Variants in MIGA1 observed in about 807,000 individuals in gnomAD.
The protein encoded by MIGA1 is family with sequence similarity 73, member A.
Under a neutral mutation model 82.0 loss-of-function variants are expected in MIGA1, and 58 were observed. The observed-to-expected ratio is 0.71, with a 90% confidence interval of 0.57 to 0.88. MIGA1 has a LOEUF of 0.88. MIGA1 is among the 40% of genes least tolerant of loss of function. The probability of loss-of-function intolerance (pLI) is 0.00; values close to 1 mark genes in which losing one functional copy is unlikely to be tolerated. For missense variants in MIGA1, 751 were observed against 749.1 expected, an observed-to-expected ratio of 1.00 and a Z score of -0.03; for synonymous variants, 249 against 253.6, an observed-to-expected ratio of 0.98 and a Z score of 0.17.
intron 2 of MIGA1, among the ~76,000 whole-genome samples, chr1:77,791,278 A>G (rs1226967534): frequency 3.3e-5 from 5 of 149,702 alleles, no homozygotes; most frequent in East Asian, 2.0e-4. Flanking sequence ...AAAAACTGCT[A>G]TATAAATGGA....
rs184346026 is a variant in MIGA1 at position 77,847,086 on chromosome 1, G to A, written c.996+3679G>A. On this transcript the variant is annotated intron_variant, in intron 8 of 15. Coordinates refer to ENST00000370791, the MANE Select transcript of MIGA1 (RefSeq NM_198549.4). The stretch of plus-strand genomic sequence containing the variant: ...GAAACTACACCAACAGTAGGGCCAC[G>A]TTCAGTAGATATGGGAACAAGATGG... 17 of 796,596 alleles carry A rather than the reference G, an allele frequency of 2.1e-5. 1 individual carries two copies. The highest frequency in any genetic ancestry group is 3.5e-4 in the Middle Eastern group (1 of 2,886). The allele number at this position is 796,596 out of a possible 1,614,324, so 49.3% of individuals were successfully genotyped here. A position where few individuals can be genotyped will look rare whatever the true frequency, so the allele number is the denominator to read the frequency against.
chr1:77,859,728 T>G (rs1685393898), intron 10 of MIGA1: 1 of 370,676 alleles, frequency 2.7e-6, no homozygotes, highest in African/African-American at 2.1e-5. Context: ...TAAAATTGAT[T>G]TTCTAAAAAG....
At chr1:77,779,944 A>G in intron 1 of MIGA1, 7 of 1,370,942 alleles carry the variant, frequency 5.1e-6, no homozygotes, top group Non-Finnish European at 6.6e-6. Context: ...GTCTCATCTC[A>G]GAAGCTAAGC....
Position 77,860,034 on chromosome 1 carries a change from T to G in MIGA1, c.1189-6T>G. Reference sequence around the variant, plus strand: ...CTTTTTTCTTTGGGGATGAATATTTTTTCAGGTAATTCTTTCAGAATCAGC... The same window carrying G: ...CTTTTTTCTTTGGGGATGAATATTTGTTCAGGTAATTCTTTCAGAATCAGC... On this transcript the variant is annotated splice_region_variant and splice_polypyrimidine_tract_variant and intron_variant, in intron 10 of 15. Transcript: ENST00000370791. The G allele has an allele frequency of 6.3e-7, 1 of 1,591,960 alleles. No homozygotes were observed. Among genetic ancestry groups the G allele is most frequent in the Non-Finnish European group, 8.6e-7 (1 of 1,165,266 alleles).
At chr1:77,835,515 T>G (rs1684392661) in intron 7 of MIGA1, among the ~76,000 whole-genome samples, 2 of 152,218 alleles carry the variant, frequency 1.3e-5, no homozygotes, top group Admixed American at 6.5e-5. Flanking sequence ...AAATTTAATG[T>G]ACAATCAACC....
chr1:77,862,712 G>A (rs191790486), intron 12 of MIGA1, among the ~76,000 whole-genome samples: 270 of 151,732 alleles, frequency 1.8e-3, no homozygotes, highest in South Asian at 4.4e-3. Context: ...AGGCCGAGGC[G>A]GGCAGATCAC....
At chr1:77,822,401 G>A (rs1274911719) in intron 7 of MIGA1, among the ~76,000 whole-genome samples, 3 of 152,124 alleles carry the variant, frequency 2.0e-5, no homozygotes, top group African/African-American at 7.2e-5. Flanking sequence ...ACTCTAGCCT[G>A]GGTGGCAGAG....
At chr1:77,861,562 T>TC (rs1685454633) in intron 12 of MIGA1, 1 of 424,992 alleles carries the variant, frequency 2.4e-6, no homozygotes, top group African/African-American at 2.1e-5. Flanking sequence ...CCTCCTGTCC[T>TC]CCTTCCCTTG....
intron 7 of MIGA1, among the ~76,000 whole-genome samples, chr1:77,817,955 ATTTTTTTT>A (rs10676009): frequency 2.6e-5 from 3 of 115,608 alleles, no homozygotes; most frequent in African/African-American, 1.0e-4. Context: ...AGATTGGAAG[ATTTTTTTT>A]TTTTTTTTTT....
intron 12 of MIGA1, 197 bp downstream of exon 12, chr1:77,861,519 CT>C: frequency 4.0e-6 from 2 of 494,022 alleles, no homozygotes; most frequent in Admixed American, 3.9e-5. Flanking sequence ...TCTAAGAAGC[CT>C]TTTTTGCTGT....
At chr1:77,838,336 AT>A (rs1274844714) in intron 7 of MIGA1, among the ~76,000 whole-genome samples, 2 of 151,384 alleles carry the variant, frequency 1.3e-5, no homozygotes, top group Non-Finnish European at 2.9e-5. Flanking sequence ...TTATTTATTT[AT>A]TTATTTATTT....
chr1:77,862,800 G>C (rs931185304), intron 12 of MIGA1, among the ~76,000 whole-genome samples: 3 of 151,996 alleles, frequency 2.0e-5, no homozygotes, highest in African/African-American at 7.3e-5. Flanking sequence ...AATTAGCCAG[G>C]CATGGTGGTG....
At chr1:77,820,790 A>G (rs1312905751) in intron 7 of MIGA1, among the ~76,000 whole-genome samples, 1 of 152,236 alleles carries the variant, frequency 6.6e-6, no homozygotes, top group Admixed American at 6.5e-5. Context: ...AGGAAAGAGA[A>G]GTACCTTCTT....
intron 3 of MIGA1, 76 bp from the exon 4 acceptor site, chr1:77,803,194 T>C (rs1206427686): frequency 2.1e-6 from 2 of 971,002 alleles, no homozygotes; most frequent in African/African-American, 1.7e-5. Context: ...GAATATATTA[T>C]AAACTCTGAA....
At chr1:77,858,366 A>G (rs1453232059) in intron 8 of MIGA1, among the ~76,000 whole-genome samples, 2 of 151,944 alleles carry the variant, frequency 1.3e-5, no homozygotes, top group Non-Finnish European at 2.9e-5. Context: ...AAGATACAGT[A>G]TTGGTTTTCT....
chr1:77,831,633 T>C (rs1018619427), intron 7 of MIGA1, among the ~76,000 whole-genome samples: 7 of 152,200 alleles, frequency 4.6e-5, no homozygotes, highest in Admixed American at 4.6e-4. Flanking sequence ...GAATAACTTA[T>C]ACTTTAGGAG....
intron 14 of MIGA1, among the ~76,000 whole-genome samples, chr1:77,870,030 A>C (rs1380466712): frequency 6.1e-5 from 6 of 98,534 alleles, no homozygotes; most frequent in South Asian, 4.5e-4. Flanking sequence ...ACTTCCCAGT[A>C]GGGGCGGCCG....
rs1557932603 is a variant in MIGA1, at chr1:77,859,051, A to G, written c.1110A>G (p.Val370=). 2.6e-6 allele frequency: 4 copies of G among 1,567,268 alleles called. No homozygotes were observed. The highest frequency in any genetic ancestry group is 3.5e-6 in the Non-Finnish European group (4 of 1,137,282). ...AAGAAGGAAAAATTTACTCCAGAGTACTGAGGTACCATTTCAGTTTTGTTT... is the reference window on the plus strand; with the variant it reads ...AAGAAGGAAAAATTTACTCCAGAGTGCTGAGGTACCATTTCAGTTTTGTTT... The change falls in exon 9 of 16, where the codon GTA becomes GTG. Residue 370 remains valine, a synonymous_variant. Transcript: ENST00000370791.
chr1:77,815,639 G>T (rs1683543693), intron 7 of MIGA1, among the ~76,000 whole-genome samples: 1 of 152,162 alleles, frequency 6.6e-6, no homozygotes, highest in Non-Finnish European at 1.5e-5. Context: ...GATAGCTGTT[G>T]ATGTAAATAG....
Sources: gnomAD v4.1 joint callset for allele counts (sites outside exome capture counted in the v4.1 genomes callset) on GRCh38, gnomAD v4.1.1 for gene constraint, MANE v1.5 for transcripts, NCBI Gene and HGNC (gene_info 2026-07-23, HGNC 2026-07-21) for gene names.